The following SLC22A16 variants were observed in gnomAD, a reference collection of about 807,000 sequenced individuals.
SLC22A16 encodes the protein WUGSC:RG331P03.1.
SLC22A16 carries 53 observed loss-of-function variants against 52.9 expected under a neutral mutation model. The observed-to-expected ratio is 1.00, with a 90% CI of 0.80 to 1.26. The LOEUF (loss-of-function observed/expected upper bound fraction) is 1.26. Ranked by LOEUF, SLC22A16 falls within the 50% of genes most tolerant of loss-of-function variation. The pLI is 0.00. For synonymous variants in SLC22A16, 291 were observed against 268.8 expected, an observed-to-expected ratio of 1.08 and a Z score of -0.81; for missense variants, 726 against 704.0, an observed-to-expected ratio of 1.03 and a Z score of -0.35.
At chr6:110,445,680 T>C (rs918442149) in intron 3 of SLC22A16, among the ~76,000 whole-genome samples, 1 of 152,190 alleles carries the variant, frequency 6.6e-6, no homozygotes, top group Non-Finnish European at 1.5e-5. Context: ...CGTGGTATTT[T>C]GCAAGACTGA....
rs1328748113 is a variant in SLC22A16, at chr6:110,454,258, T to C, written c.533+2280A>G. Among the ~76,000 whole-genome samples, 3 of 152,242 alleles carry C rather than the reference T, an allele frequency of 2.0e-5. No homozygotes were observed. In the East Asian group the frequency reaches 5.8e-4, roughly 29 times the overall value. ...AAAAGTGGTCAGGGACTTGCCATCT[T>C]GGCACATCCAGCAAGAAGTATAGAA... On this transcript the variant is annotated intron_variant, in intron 2 of 7. Transcript: ENST00000368919.
intron 1 of SLC22A16, chr6:110,476,269 T>G: frequency 8.3e-7 from 1 of 1,205,950 alleles, no homozygotes; most frequent in South Asian, 1.7e-5. Context: ...AGGTCCCTCC[T>G]GCCCGGCAAC....
chr6:110,455,683 G>C (rs1018416793), intron 2 of SLC22A16: 1 of 152,158 alleles, frequency 6.6e-6, no homozygotes, highest in South Asian at 2.1e-4. Flanking sequence ...TGCTTTGAAT[G>C]ATAGTATTCC....
intron 1 of SLC22A16, among the ~76,000 whole-genome samples, chr6:110,461,082 G>A (rs1386722188): frequency 2.0e-5 from 3 of 152,206 alleles, no homozygotes; most frequent in African/African-American, 7.2e-5. Context: ...ACTTTTCACA[G>A]TGGCTGCATC....
chr6:110,426,977 T>C (rs2334072), intron 7 of SLC22A16, among the ~76,000 whole-genome samples: 38,682 of 149,758 alleles, frequency 0.26, 5,233 homozygotes, highest in East Asian at 0.37. Flanking sequence ...AAAGACTGGG[T>C]GCAGTGGCTT....
rs149460380 is a variant in SLC22A16, at chr6:110,469,254, C to T, written c.53+7268G>A. 4.2e-3 allele frequency among the ~76,000 whole-genome samples: 635 copies of T among 152,258 alleles called. 6 individuals carry two copies. Among genetic ancestry groups the T allele is most frequent in the African/African-American group, 0.014 (591 of 41,556 alleles). The stretch of plus-strand genomic sequence containing the variant: ...CATAATACTAACATCTTAGGCCGGG[C>T]GCAGTGGCTCATGCCTATAATCCCA... On this transcript the variant is annotated intron_variant, in intron 1 of 7. Coordinates refer to ENST00000368919, the MANE Select transcript of SLC22A16 (RefSeq NM_033125.4).
chr6:110,456,601 A>G lies in SLC22A16; in HGVS notation c.470T>C (p.Ile157Thr). The G allele has an allele frequency of 6.2e-7, 1 of 1,614,200 alleles. No individual in the cohort carries two copies. Among genetic ancestry groups the G allele is most frequent in the Non-Finnish European group, 8.5e-7 (1 of 1,180,026 alleles). The change falls in exon 2 of 8, where the codon ATC becomes ACC. Residue 157 changes from isoleucine (I) to threonine (T), a missense_variant. Ile to Thr is a moderately conservative substitution (Grantham distance 89). Transcript: ENST00000368919. ...GACTCCAAACATAAATAGGGGCTGGATCAGCATTGCAAGCCATTTTCGGTC... is the reference window on the plus strand; with the variant it reads ...GACTCCAAACATAAATAGGGGCTGGGTCAGCATTGCAAGCCATTTTCGGTC... ...VCDRKWLAML[I>T]QPLFMFGVLL... is the part of the protein sequence containing the mutation.
chr6:110,438,821 A>T lies in SLC22A16; in HGVS notation c.1210T>A (p.Phe404Ile). 6.2e-7 allele frequency: 1 copy of T among 1,614,102 alleles called. No homozygotes were observed. Among genetic ancestry groups the T allele is most frequent in the Non-Finnish European group, 8.5e-7 (1 of 1,179,978 alleles). The part of the protein sequence containing the change: ...LGVVEIPAYT[F>I]VCIAMDKVGR... ...ACCTTGTCCATGGCGATGCACACGA[A>T]GGTGTAGGCGGGAATTTCCACTACA... is the stretch of plus-strand genomic sequence containing the variant. The change falls in exon 5 of 8, where the codon TTC becomes ATC. Residue 404 changes from phenylalanine (F) to isoleucine (I), a missense_variant. Transcript: ENST00000368919.
chr6:110,450,224 T>C (rs1775324215), intron 2 of SLC22A16, among the ~76,000 whole-genome samples: 6 of 152,188 alleles, frequency 3.9e-5, no homozygotes, highest in Admixed American at 3.9e-4. Flanking sequence ...CTCACAGACC[T>C]CTTTAAATAA....
At chr6:110,467,001 C>T (rs1295426185) in intron 1 of SLC22A16, among the ~76,000 whole-genome samples, 1 of 152,044 alleles carries the variant, frequency 6.6e-6, no homozygotes, top group Admixed American at 6.6e-5. Context: ...AGTTATTACA[C>T]ATCATCTAGC....
chr6:110,464,652 A>G (rs1461517141), intron 1 of SLC22A16, among the ~76,000 whole-genome samples: 1 of 151,984 alleles, frequency 6.6e-6, no homozygotes, highest in Non-Finnish European at 1.5e-5. Flanking sequence ...AAAAAATGTA[A>G]CAACTACAAC....
intron 1 of SLC22A16, among the ~76,000 whole-genome samples, chr6:110,459,403 T>C (rs180779674): frequency 6.6e-6 from 1 of 152,300 alleles, no homozygotes; most frequent in Admixed American, 6.5e-5. Context: ...TTCATCTCTG[T>C]TGTTGTCTTT....
chr6:110,443,372 C>G (rs913582025), intron 3 of SLC22A16, among the ~76,000 whole-genome samples: 2 of 152,130 alleles, frequency 1.3e-5, no homozygotes, highest in Admixed American at 6.5e-5. Flanking sequence ...AATCCAACAA[C>G]AGCAAAAACA....
In SLC22A16 at chr6:110,434,916, T is replaced by C. The variant is rs918586057; in HGVS notation, c.1421+936A>G. Among the ~76,000 whole-genome samples, 6 of 152,180 alleles carry C rather than the reference T, an allele frequency of 3.9e-5. No homozygotes were observed. The South Asian group carries it at 1.0e-3, about 26-fold the overall frequency. On this transcript the variant is annotated intron_variant, in intron 6 of 7. Transcript: ENST00000368919. ...TTGCTTGAACCCAGGAGGCGGAGCT[T>C]GCAGTGAACCAAGATCACACCACTG...
chr6:110,454,980 T>C (rs1262297327), intron 2 of SLC22A16, among the ~76,000 whole-genome samples: 7 of 107,490 alleles, frequency 6.5e-5, no homozygotes, highest in African/African-American at 2.5e-4. Flanking sequence ...GTACATATAA[T>C]ATATTTATAT....
intron 1 of SLC22A16, among the ~76,000 whole-genome samples, chr6:110,464,794 A>G (rs535421824): frequency 1.3e-5 from 2 of 152,174 alleles, no homozygotes; most frequent in South Asian, 4.1e-4. Context: ...ATTCTATGAA[A>G]CCAGTATCAT....
chr6:110,474,069 G>C (rs1222433542), intron 1 of SLC22A16, among the ~76,000 whole-genome samples: 1 of 152,142 alleles, frequency 6.6e-6, no homozygotes, highest in African/African-American at 2.4e-5. Context: ...TCATAGGAAC[G>C]TGAACCCCAT....
chr6:110,433,244 C>T (rs1166859171), intron 6 of SLC22A16, among the ~76,000 whole-genome samples: 1 of 152,140 alleles, frequency 6.6e-6, no homozygotes, highest in African/African-American at 2.4e-5. Context: ...GTCTGATAAA[C>T]TTTTTTCTTA....
chr6:110,446,086 C>G (rs1309621902), intron 3 of SLC22A16, among the ~76,000 whole-genome samples: 3 of 152,122 alleles, frequency 2.0e-5, no homozygotes, highest in East Asian at 3.9e-4. Flanking sequence ...TTGCTTCTCT[C>G]CAGACCCTCA....
Sources: gnomAD v4.1 joint callset for allele counts (sites outside exome capture counted in the v4.1 genomes callset) on GRCh38, gnomAD v4.1.1 for gene constraint, MANE v1.5 for transcripts, NCBI Gene and HGNC (gene_info 2026-07-23, HGNC 2026-07-21) for gene names.